Variants in NPY1R observed in about 807,000 individuals in gnomAD.
NPY1R encodes the protein neuropeptide Y receptor Y1.
A neutral mutation model predicts 24.1 loss-of-function variants in NPY1R; 10 were observed. The ratio of observed to expected loss-of-function variants is 0.42; its 90% CI spans 0.26 to 0.71. The LOEUF (loss-of-function observed/expected upper bound fraction) is 0.71, where lower values mean the gene tolerates loss of function less well. Ranked by LOEUF, NPY1R falls within the 30% of genes least tolerant of loss-of-function variation. The probability of loss-of-function intolerance (pLI) is 0.28; values close to 1 mark genes in which losing one functional copy is unlikely to be tolerated. For missense variants in NPY1R, 350 were observed against 458.0 expected (o/e 0.76, Z 2.15); for synonymous variants, 168 against 165.9 (o/e 1.01, Z -0.10).
At chr4:163,339,256 C>T (rs778446527) in intron 1 of NPY1R, among the ~76,000 whole-genome samples, 3 of 152,202 alleles carry the variant, frequency 2.0e-5, no homozygotes, top group Non-Finnish European at 4.4e-5. Flanking sequence ...CTCGATTCTC[C>T]ATCCCCTCCA....
At chr4:163,330,195 C>G (rs1412984775) in intron 1 of NPY1R, among the ~76,000 whole-genome samples, 1 of 152,178 alleles carries the variant, frequency 6.6e-6, no homozygotes, top group Admixed American at 6.5e-5. Flanking sequence ...AGAATTCACA[C>G]AGACATTAAA....
At chr4:163,340,071 C>T (rs113434660) in intron 1 of NPY1R, among the ~76,000 whole-genome samples, 1 of 152,044 alleles carries the variant, frequency 6.6e-6, no homozygotes, top group East Asian at 1.9e-4. Context: ...TATAAACAAA[C>T]CGTTTCCCTT....
intron 1 of NPY1R, among the ~76,000 whole-genome samples, chr4:163,330,354 G>C (rs1010479543): frequency 1.3e-5 from 2 of 152,166 alleles, no homozygotes; most frequent in African/African-American, 2.4e-5. Context: ...AGTTAATTTA[G>C]CTATAGAGAA....
At position 163,326,436 on chromosome 4, in the gene NPY1R, A is replaced by G. The variant is rs188510742; in HGVS notation, c.119T>C (p.Ile40Thr). ...TCCATAAGCAAGAGCTAAGGTAAAT[A>G]TCATGGCCAAGGGCAGATGACAATC... ...NDDCHLPLAM[I>T]FTLALAYGAV... Residue 40 changes from isoleucine to threonine, a missense_variant, in exon 2 of 3, where the codon ATA becomes ACA. Transcript: ENST00000296533. 67 of 1,614,078 alleles carry G rather than the reference A, an allele frequency of 4.2e-5. No homozygotes were observed. The East Asian group carries it at 1.4e-3, about 34-fold the overall frequency.
Position 163,326,484 on chromosome 4 carries a change from T to A in NPY1R, c.71A>T (p.Gln24Leu). The change falls in exon 2 of 3, where the codon CAG becomes CTG. Residue 24 changes from glutamine (Q) to leucine (L), a missense_variant. By Grantham distance (113) the Gln-to-Leu change is moderately radical. Transcript: ENST00000296533. ...ATCATCATTTTCAAAAGCCAGAAGC[T>A]GGGCATTCTTCTCTGAGAAATTAGA... ...VHSNFSEKNAQLLAFENDDCH... is the reference protein window; with the variant it reads ...VHSNFSEKNALLLAFENDDCH... 1 of 1,613,370 alleles carries A rather than the reference T, an allele frequency of 6.2e-7. No individual in the cohort carries two copies. The highest frequency in any genetic ancestry group is 8.5e-7 in the Non-Finnish European group (1 of 1,179,674).
rs892834467 is a variant in NPY1R, at chr4:163,329,136, C to A, written c.-151-2431G>T. 4.6e-5 allele frequency among the ~76,000 whole-genome samples: 7 copies of A among 152,246 alleles called. No homozygotes were observed. In the East Asian group the frequency reaches 1.4e-3, roughly 29 times the overall value. On this transcript the variant is annotated intron_variant, in intron 1 of 2. Coordinates refer to ENST00000296533, the MANE Select transcript of NPY1R (RefSeq NM_000909.6). ...TATTATTTCTGAAAGAAAATTTATT[C>A]ATTCAACAAATATTAATTAAACATT...
Position 163,326,398 on chromosome 4 carries a change from G to T in NPY1R, c.157C>A (p.Leu53Ile). The T allele has an allele frequency of 6.2e-7, 1 of 1,614,098 alleles. No individual in the cohort carries two copies. Among genetic ancestry groups the T allele is most frequent in the Middle Eastern group, 1.6e-4 (1 of 6,062 alleles). The change falls in exon 2 of 3, where the codon CTT (leucine) becomes ATT (isoleucine). Residue 53 changes from leucine (L) to isoleucine (I), a missense_variant. Leu to Ile is a conservative substitution (Grantham distance 5, BLOSUM62 2). Transcript: ENST00000296533. ...AAGGCCAGGTTTCCAGAGACACCAA[G>T]AATGATCACAGCTCCATAAGCAAGA... ...LALAYGAVII[L>I]GVSGNLALII...
chr4:163,338,782 C>A (rs549908304), intron 1 of NPY1R, among the ~76,000 whole-genome samples: 1 of 152,144 alleles, frequency 6.6e-6, no homozygotes, highest in Non-Finnish European at 1.5e-5. Flanking sequence ...TCAATCTTTA[C>A]CAAAAGTACA....
At position 163,324,183 on chromosome 4, in the gene NPY1R, A is replaced by G. The variant is rs1430609254; in HGVS notation, c.*1120T>C. On this transcript the variant is annotated 3_prime_UTR_variant, in exon 3 of 3. Coordinates refer to ENST00000296533, the MANE Select transcript of NPY1R (RefSeq NM_000909.6). ...GTAATCTTTACAGTGCATTATTTAT[A>G]AGACGCCACAAGTCACACAGTTTAT... 1 of 152,640 alleles carries G rather than the reference A, an allele frequency of 6.6e-6. No homozygotes were observed. The highest frequency in any genetic ancestry group is 2.4e-5 in the African/African-American group (1 of 41,450). 9.5% of individuals were successfully genotyped at this position (152,640 alleles called of 1,614,324 possible).
upstream of NPY1R, among the ~76,000 whole-genome samples, chr4:163,336,896 G>C (rs1228407106): frequency 6.6e-6 from 1 of 152,224 alleles, no homozygotes; most frequent in East Asian, 1.9e-4. Context: ...GGGAGGCAGA[G>C]GTTGCAGTGA....
upstream of NPY1R, among the ~76,000 whole-genome samples, chr4:163,334,039 A>G (rs1054431211): frequency 6.6e-6 from 1 of 151,910 alleles, no homozygotes; most frequent in Non-Finnish European, 1.5e-5. Flanking sequence ...ACCAAGGCAC[A>G]ATAATTTTTA....
intron 1 of NPY1R, among the ~76,000 whole-genome samples, chr4:163,343,159 T>C (rs1735049125): frequency 6.6e-6 from 1 of 150,710 alleles, no homozygotes; most frequent in Non-Finnish European, 1.5e-5. Flanking sequence ...TTCTTTTGTG[T>C]GGGCTTTTTT....
At chr4:163,330,855 A>T (rs1221812055) in intron 1 of NPY1R, 1 of 152,198 alleles carries the variant, frequency 6.6e-6, no homozygotes, top group Non-Finnish European at 1.5e-5. Context: ...ACATTTTTTC[A>T]AATACTCAGG....
intron 1 of NPY1R, among the ~76,000 whole-genome samples, chr4:163,340,072 C>T (rs1446786594): frequency 6.6e-6 from 1 of 151,928 alleles, no homozygotes; most frequent in African/African-American, 2.4e-5. Context: ...ATAAACAAAC[C>T]GTTTCCCTTT....
At chr4:163,337,385 CT>C (rs1734865673), upstream of NPY1R, among the ~76,000 whole-genome samples, 2 of 152,200 alleles carry the variant, frequency 1.3e-5, no homozygotes, top group Non-Finnish European at 2.9e-5. Flanking sequence ...AATTCCACCC[CT>C]CTCCCAGCCT....
At position 163,326,234 on chromosome 4, in the gene NPY1R, G is replaced by C; in HGVS notation, c.321C>G (p.Val107=). ...TCAACTTACACATCGCCTCACCAAA[G>C]ACCCAGTGGTCCATTAATGTGTAGA... ...TFVYTLMDHW[V]FGEAMCKLNP... Residue 107 remains valine, a synonymous_variant, in exon 2 of 3, where the codon GTC becomes GTG. Coordinates refer to ENST00000296533, the MANE Select transcript of NPY1R (RefSeq NM_000909.6). 1 of 1,614,104 alleles carries C rather than the reference G, an allele frequency of 6.2e-7. No homozygotes were observed. Among genetic ancestry groups the C allele is most frequent in the Non-Finnish European group, 8.5e-7 (1 of 1,179,968 alleles).
chr4:163,334,879 A>G (rs939519590), upstream of NPY1R, among the ~76,000 whole-genome samples: 9 of 151,692 alleles, frequency 5.9e-5, no homozygotes, highest in Admixed American at 1.3e-4. Flanking sequence ...AAAAAAAAAA[A>G]AAAGAAATGC....
rs1380920632 is a variant in NPY1R, at chr4:163,325,585, C to T, written c.873G>A (p.Gln291=). The stretch of plus-strand genomic sequence containing the variant: ...GATTGTGGTTGCAGGTAGCAATGAT[C>T]TGATGATTCCAATCAAACACAGTGT... ...IFNTVFDWNH[Q]IIATCNHNLL... Residue 291 remains glutamine, a synonymous_variant, in exon 3 of 3, where the codon CAG becomes CAA. Transcript: ENST00000296533. 1 of 1,613,828 alleles carries T rather than the reference C, an allele frequency of 6.2e-7. No individual in the cohort carries two copies. The highest frequency in any genetic ancestry group is 2.2e-5 in the East Asian group (1 of 44,892).
In NPY1R at chr4:163,325,374, T is replaced by A; in HGVS notation, c.1084A>T (p.Thr362Ser). The A allele has an allele frequency of 6.2e-7, 1 of 1,614,004 alleles. No homozygotes were observed. Among genetic ancestry groups the A allele is most frequent in the African/African-American group, 1.3e-5 (1 of 75,040 alleles). Residue 362 changes from threonine (T) to serine (S), a missense_variant, in exon 3 of 3, where the codon ACT becomes TCT. By Grantham distance (58) the Thr-to-Ser change is moderately conservative. Coordinates refer to ENST00000296533, the MANE Select transcript of NPY1R (RefSeq NM_000909.6). ...ACTGGGCTTGCTTGCTTCAAAGAAGTTTTGGAAACATCTGTGTGCATCGTG... is the reference window on the plus strand; with the variant it reads ...ACTGGGCTTGCTTGCTTCAAAGAAGATTTGGAAACATCTGTGTGCATCGTG... Reference protein sequence around the residue: ...MSTMHTDVSKTSLKQASPVAF... With the variant: ...MSTMHTDVSKSSLKQASPVAF...
Sources: allele counts gnomAD v4.1 joint callset (sites outside exome capture counted in the v4.1 genomes callset), GRCh38; gene constraint gnomAD v4.1.1; transcripts MANE v1.5; gene names NCBI Gene and HGNC (gene_info 2026-07-23, HGNC 2026-07-21).